The following RTN1 variants were observed in gnomAD, a reference collection of about 807,000 sequenced individuals.
The protein encoded by RTN1 is reticulon-1.
RTN1 carries 25 observed loss-of-function variants against 65.5 expected under a neutral mutation model. The observed-to-expected ratio is 0.38, with a 90% CI of 0.28 to 0.53. RTN1 has a LOEUF of 0.53. Ranked by LOEUF, RTN1 falls within the 20% of genes least tolerant of loss-of-function variation. The probability of loss-of-function intolerance (pLI) is 0.79; values close to 1 mark genes in which losing one functional copy is unlikely to be tolerated. For missense variants in RTN1, 983 were observed against 1,025.4 expected (o/e 0.96, Z 0.57); for synonymous variants, 471 against 447.6 (o/e 1.05, Z -0.66).
At chr14:59,795,582 G>A (rs576810121) in intron 1 of RTN1, among the ~76,000 whole-genome samples, 522 of 152,212 alleles carry the variant, frequency 3.4e-3, no homozygotes, top group South Asian at 5.4e-3. Flanking sequence ...ATATCTATCC[G>A]TATTATCTGC....
chr14:59,664,499 A>C (rs1883323259), intron 3 of RTN1, among the ~76,000 whole-genome samples: 1 of 152,104 alleles, frequency 6.6e-6, no homozygotes, highest in Non-Finnish European at 1.5e-5. Context: ...CAATATGATA[A>C]AATTAAATGC....
At position 59,761,080 on chromosome 14, in the gene RTN1, C is replaced by A. The variant is rs537056322; in HGVS notation, c.242-14599G>T. Among the ~76,000 whole-genome samples the A allele has an allele frequency of 3.3e-5, 5 of 152,304 alleles. No homozygotes were observed. The South Asian group carries it at 1.0e-3, about 32-fold the overall frequency. On this transcript the variant is annotated intron_variant, in intron 1 of 8. Transcript: ENST00000267484. ...TGCATTTGTGGCCAACTAAAACATGCCGGTACATAAGTTGTCAGTTTTTTT... is the reference window on the plus strand; with the variant it reads ...TGCATTTGTGGCCAACTAAAACATGACGGTACATAAGTTGTCAGTTTTTTT...
intron 1 of RTN1, among the ~76,000 whole-genome samples, chr14:59,788,242 G>T (rs1430361607): frequency 6.6e-6 from 1 of 152,180 alleles, no homozygotes; most frequent in Admixed American, 6.5e-5. Context: ...CAGCAATGGG[G>T]CTGCTGAACT....
intron 5 of RTN1, 36 bp from the exon 6 acceptor site, chr14:59,603,957 C>A: frequency 6.4e-7 from 1 of 1,554,378 alleles, no homozygotes; most frequent in African/African-American, 1.4e-5. Flanking sequence ...CTCCTAAAAC[C>A]CTTCCTGACA....
chr14:59,816,681 C>G lies in RTN1; in HGVS notation c.241+53709G>C, dbSNP rs1399072929. ...GGGCACAGTGGCTCATGCCTGTAAT[C>G]CCAGCACTTTAGGAGGCCGAGGCTG... On this transcript the variant is annotated intron_variant, in intron 1 of 8. Transcript: ENST00000267484. The surrounding 1 kb of genome is among the most constrained non-coding windows in gnomAD (Gnocchi z 4.3). 6.6e-6 allele frequency among the ~76,000 whole-genome samples: 1 copy of G among 152,132 alleles called. No homozygotes were observed. Among genetic ancestry groups the G allele is most frequent in the Non-Finnish European group, 1.5e-5 (1 of 68,022 alleles).
At chr14:59,733,720 C>A (rs1292642386) in intron 2 of RTN1, among the ~76,000 whole-genome samples, 1 of 152,234 alleles carries the variant, frequency 6.6e-6, no homozygotes, top group Admixed American at 6.5e-5. Context: ...CTCTGGCCAC[C>A]CCTGCTCATG....
chr14:59,618,347 G>T (rs1882163886), intron 3 of RTN1, among the ~76,000 whole-genome samples: 1 of 152,184 alleles, frequency 6.6e-6, no homozygotes, highest in South Asian at 2.1e-4. Context: ...TGATGGATCA[G>T]CTGGCCCCAC....
intron 3 of RTN1, among the ~76,000 whole-genome samples, chr14:59,691,628 G>GA (rs1883963484): frequency 1.3e-5 from 2 of 151,618 alleles, no homozygotes; most frequent in South Asian, 4.2e-4. Context: ...AAGACACAAC[G>GA]AAAAAAGAAA....
chr14:59,641,945 TC>T (rs1289704279), intron 3 of RTN1, among the ~76,000 whole-genome samples: 1 of 152,226 alleles, frequency 6.6e-6, no homozygotes. Flanking sequence ...TTTCATCTCT[TC>T]CTGTCATACC....
chr14:59,643,603 C>T lies in RTN1; in HGVS notation c.1766-36111G>A, dbSNP rs545054320. On this transcript the variant is annotated intron_variant, in intron 3 of 8. Coordinates refer to ENST00000267484, the MANE Select transcript of RTN1 (RefSeq NM_021136.3). ...ACTTGAGACATTTGAGCACTACTATCATTAGCCGTCTGCTGAACTATGCAG... is the reference window on the plus strand; with the variant it reads ...ACTTGAGACATTTGAGCACTACTATTATTAGCCGTCTGCTGAACTATGCAG... Among the ~76,000 whole-genome samples the T allele has an allele frequency of 5.3e-5, 8 of 152,264 alleles. No individual in the cohort carries two copies. In the South Asian group the frequency reaches 1.4e-3, roughly 28 times the overall value.
chr14:59,790,555 T>C lies in RTN1; in HGVS notation c.242-44074A>G, dbSNP rs887676952. ...CTCTTCTAGGGGATTTGGTTTTGTG[T>C]GTGAAAGATGCCTGAAGAATTCATT... On this transcript the variant is annotated intron_variant, in intron 1 of 8. Coordinates refer to ENST00000267484, the MANE Select transcript of RTN1 (RefSeq NM_021136.3). The surrounding 1 kb of genome is among the most constrained non-coding windows in gnomAD (Gnocchi z 4.1). 7.2e-5 allele frequency among the ~76,000 whole-genome samples: 11 copies of C among 152,136 alleles called. No homozygotes were observed. Among genetic ancestry groups the C allele is most frequent in the Admixed American group, 2.0e-4 (3 of 15,266 alleles).
At chr14:59,750,109 T>TATCTATA (rs1885422665) in intron 1 of RTN1, among the ~76,000 whole-genome samples, 1 of 52,948 alleles carries the variant, frequency 1.9e-5, no homozygotes, top group African/African-American at 1.2e-4. Flanking sequence ...TATTATATAT[T>TATCTATA]ATATATAATA....
chr14:59,608,115 T>C (rs936438774), intron 3 of RTN1, among the ~76,000 whole-genome samples: 1 of 152,106 alleles, frequency 6.6e-6, no homozygotes, highest in Admixed American at 6.5e-5. Flanking sequence ...TCAAATGTCA[T>C]GCAAAATGGA....
At chr14:59,756,526 C>A (rs1483029234) in intron 1 of RTN1, among the ~76,000 whole-genome samples, 6 of 152,108 alleles carry the variant, frequency 3.9e-5, no homozygotes, top group Non-Finnish European at 2.9e-5. Flanking sequence ...GTATTCTACT[C>A]CCAATGTTTC....
rs374358686 is a variant in RTN1 at position 59,709,286 on chromosome 14, T to C, written c.1765+17633A>G. ...TTGTTTATCTATATATGAAAGTTCA[T>C]AATACTATTTTGTTTGCTCAAGGTA... On this transcript the variant is annotated intron_variant, in intron 3 of 8. Transcript: ENST00000267484. 2.6e-5 allele frequency among the ~76,000 whole-genome samples: 4 copies of C among 152,342 alleles called. No homozygotes were observed. The East Asian group carries it at 7.7e-4, about 29-fold the overall frequency.
rs149091308 is a variant in RTN1, at chr14:59,698,630, C to T, written c.1765+28289G>A. 1.6e-3 allele frequency among the ~76,000 whole-genome samples: 251 copies of T among 152,242 alleles called. 6 individuals are homozygous for T. The East Asian group carries it at 0.036, about 22-fold the overall frequency. On this transcript the variant is annotated intron_variant, in intron 3 of 8. Coordinates refer to ENST00000267484, the MANE Select transcript of RTN1 (RefSeq NM_021136.3). Reference sequence around the variant, plus strand: ...TTTGCCTGCTGCCATCCATGTAAGACGTGACTTGCTCTTCCTTGCATTCTG... The same window carrying T: ...TTTGCCTGCTGCCATCCATGTAAGATGTGACTTGCTCTTCCTTGCATTCTG...
chr14:59,616,926 C>T (rs7152345), intron 3 of RTN1, among the ~76,000 whole-genome samples: 41,623 of 152,026 alleles, frequency 0.27, 6,373 homozygotes, highest in African/African-American at 0.4. Context: ...TTTGCAACTT[C>T]TAACAAGTGA....
rs568756593 is a variant in RTN1, at chr14:59,686,065, C to T, written c.1765+40854G>A. Among the ~76,000 whole-genome samples the T allele has an allele frequency of 1.4e-4, 22 of 152,222 alleles. No individual in the cohort carries two copies. The South Asian group carries it at 3.7e-3, about 26-fold the overall frequency. ...TGACAAAGGTGCCAGAAACACACAG[C>T]GGGGAATGAACAGTCTCTTCAATAA... On this transcript the variant is annotated intron_variant, in intron 3 of 8. Coordinates refer to ENST00000267484, the MANE Select transcript of RTN1 (RefSeq NM_021136.3).
At chr14:59,665,325 CATAACCAGCCAA>C (rs1359881528) in intron 3 of RTN1, among the ~76,000 whole-genome samples, 1 of 152,180 alleles carries the variant, frequency 6.6e-6, no homozygotes, top group Non-Finnish European at 1.5e-5. Flanking sequence ...CCCAGAATTT[CATAACCAGCCAA>C]ACTAAGCTTC....
Sources: gnomAD v4.1 joint callset for allele counts (sites outside exome capture counted in the v4.1 genomes callset) on GRCh38, gnomAD v4.1.1 for gene constraint, Gnocchi (gnomAD v3.1) non-coding constraint, MANE v1.5 for transcripts, NCBI Gene and HGNC (gene_info 2026-07-23, HGNC 2026-07-21) for gene names.